Variants in RRP12 observed in about 807,000 individuals in gnomAD.
The protein encoded by RRP12 is ribosomal RNA processing 12 homolog, also known as RRP12-like protein.
Under a neutral mutation model 157.3 loss-of-function variants are expected in RRP12, and 78 were observed. The observed-to-expected ratio is 0.50, with a 90% CI of 0.41 to 0.60. The LOEUF is 0.60. RRP12 is among the 20% of genes least tolerant of loss of function. The probability of loss-of-function intolerance (pLI) is 0.00; values close to 1 mark genes in which losing one functional copy is unlikely to be tolerated. For missense variants in RRP12, 1,521 were observed against 1,679.9 expected (o/e 0.91, Z 1.65); for synonymous variants, 726 against 670.9 (o/e 1.08, Z -1.27).
At chr10:97,371,185 G>T in intron 20 of RRP12, 104 bp from the exon 21 acceptor site, 1 of 1,236,292 alleles carries the variant, frequency 8.1e-7, no homozygotes, top group Non-Finnish European at 1.1e-6. Flanking sequence ...AGGGGTCCGT[G>T]GGGGCTCATG....
At chr10:97,379,513 C>T (rs1234699724) in intron 14 of RRP12, 99 bp from the exon 15 acceptor site, 2 of 1,590,056 alleles carry the variant, frequency 1.3e-6, no homozygotes, top group African/African-American at 1.3e-5. Context: ...CCTCCTCTGG[C>T]CCCTCCTGCT....
Position 97,385,191 on chromosome 10 carries a change from C to G in RRP12, c.1183G>C (p.Glu395Gln). 6.2e-7 allele frequency: 1 copy of G among 1,614,048 alleles called. No individual in the cohort carries two copies. The highest frequency in any genetic ancestry group is 8.5e-7 in the Non-Finnish European group (1 of 1,179,912). ...CTCACCAGGTTGATGTGGGCTTTCT[C>G]CATGACCTTAAGCCAGGCTAGCAGG... ...QPLLAWLKVM[E>Q]KAHINLVRLQ... Residue 395 changes from glutamate (E) to glutamine (Q), a missense_variant, in exon 10 of 34, where the codon GAG becomes CAG. Transcript: ENST00000370992.
intron 13 of RRP12, among the ~76,000 whole-genome samples, chr10:97,380,307 G>A (rs1464020339): frequency 1.3e-5 from 2 of 152,206 alleles, no homozygotes; most frequent in Non-Finnish European, 2.9e-5. Context: ...AGGAGCTGCT[G>A]TCTCTGCTGA....
At chr10:97,370,384 C>A in intron 23 of RRP12, 71 bp downstream of exon 23, 1 of 1,393,524 alleles carries the variant, frequency 7.2e-7, no homozygotes. Flanking sequence ...CTCTCCCCAC[C>A]TTTTTTGAGG....
Position 97,388,898 on chromosome 10 carries a change from T to C in RRP12, c.754-274A>G, listed in dbSNP as rs78327263. Reference sequence around the variant, plus strand: ...ACTTAATTTCTGAGTTTCAATATCATCTTGAAAACAGGGGTTTCTTCATTC... The same window carrying C: ...ACTTAATTTCTGAGTTTCAATATCACCTTGAAAACAGGGGTTTCTTCATTC... On this transcript the variant is annotated intron_variant, in intron 6 of 33. Transcript: ENST00000370992. Among the ~76,000 whole-genome samples the C allele has an allele frequency of 3.9e-3, 593 of 152,228 alleles. 6 individuals carry two copies. In the East Asian group the frequency reaches 0.043, roughly 11 times the overall value.
At chr10:97,379,542 G>C in intron 14 of RRP12, 86 bp downstream of exon 14, 1 of 1,593,338 alleles carries the variant, frequency 6.3e-7, no homozygotes, top group Non-Finnish European at 8.6e-7. Flanking sequence ...CACTGACACA[G>C]ACTTTAGCCC....
intron 24 of RRP12, among the ~76,000 whole-genome samples, 157 bp downstream of exon 24, chr10:97,370,010 C>T (rs533555608): frequency 6.6e-6 from 1 of 152,282 alleles, no homozygotes; most frequent in East Asian, 1.9e-4. Flanking sequence ...GGCAGCGACC[C>T]GCAGGAAGGG....
At chr10:97,394,781 C>T (rs928708515) in intron 3 of RRP12, among the ~76,000 whole-genome samples, 3 of 152,212 alleles carry the variant, frequency 2.0e-5, no homozygotes, top group African/African-American at 4.8e-5. Flanking sequence ...TAAATATTTT[C>T]GGCTTTGCAT....
At chr10:97,382,040 T>C (rs1349552220) in intron 10 of RRP12, among the ~76,000 whole-genome samples, 3 of 152,226 alleles carry the variant, frequency 2.0e-5, no homozygotes, top group Non-Finnish European at 4.4e-5. Context: ...GTCTTCAAGG[T>C]GTAAAATGAA....
chr10:97,378,920 T>C (rs1844384632), intron 15 of RRP12, among the ~76,000 whole-genome samples: 1 of 152,164 alleles, frequency 6.6e-6, no homozygotes, highest in Admixed American at 6.5e-5. Flanking sequence ...TAAAAGTATA[T>C]ATACATATAA....
intron 30 of RRP12, among the ~76,000 whole-genome samples, chr10:97,361,402 G>A (rs1045650001): frequency 6.6e-5 from 10 of 152,198 alleles, no homozygotes; most frequent in African/African-American, 1.9e-4. Context: ...AACAGAGGTG[G>A]CCCCAGCTGG....
intron 32 of RRP12, 64 bp downstream of exon 32, chr10:97,358,879 T>C: frequency 7.5e-7 from 1 of 1,340,204 alleles, no homozygotes; most frequent in East Asian, 2.3e-5. Context: ...GCACAGCTCC[T>C]CCTTGCCCCT....
At chr10:97,376,560 T>C (rs932544943) in intron 15 of RRP12, among the ~76,000 whole-genome samples, 5 of 152,124 alleles carry the variant, frequency 3.3e-5, no homozygotes, top group African/African-American at 7.2e-5. Context: ...AGATCATGTG[T>C]GAAATCAGGA....
chr10:97,373,101 G>T lies in RRP12; in HGVS notation c.2126C>A (p.Pro709His). Reference protein sequence around the residue: ...QPVAAGDTPAPRRAVLETIRT... With the variant: ...QPVAAGDTPAHRRAVLETIRT... ...GATGGTTTCCAGCACAGCCCGGCGA[G>T]GGGCTGGAGTGTCCCCGGCTGCCAC... is the stretch of plus-strand genomic sequence containing the variant. The change falls in exon 18 of 34, where the codon CCT (proline) becomes CAT (histidine). Residue 709 changes from proline (P) to histidine (H), a missense_variant. By Grantham distance (77) the Pro-to-His change is moderately conservative (BLOSUM62 -2). Transcript: ENST00000370992. The T allele has an allele frequency of 6.2e-7, 1 of 1,614,156 alleles. No individual in the cohort carries two copies. Among genetic ancestry groups the T allele is most frequent in the South Asian group, 1.1e-5 (1 of 91,088 alleles).
At chr10:97,366,422 T>G (rs774907535) in intron 28 of RRP12, 24 bp downstream of exon 28, 3 of 1,582,396 alleles carry the variant, frequency 1.9e-6, no homozygotes, top group South Asian at 1.1e-5. Context: ...GTTTTCTGAG[T>G]GCACTGGCCA....
At chr10:97,387,938 T>C (rs1404456325) in intron 8 of RRP12, 2 of 116,156 alleles carry the variant, frequency 1.7e-5, no homozygotes, top group African/African-American at 1.3e-4. Flanking sequence ...CAAAACTCGG[T>C]CTCAAAAAAA....
At chr10:97,366,073 C>T in intron 29 of RRP12, 35 bp downstream of exon 29, 3 of 1,599,940 alleles carry the variant, frequency 1.9e-6, no homozygotes, top group Non-Finnish European at 1.7e-6. Flanking sequence ...AATAAGTGAA[C>T]ACGGTGAATG....
At chr10:97,379,207 G>T in intron 15 of RRP12, 86 bp downstream of exon 15, 1 of 1,475,514 alleles carries the variant, frequency 6.8e-7, no homozygotes. Flanking sequence ...GGGTGTGTGG[G>T]ACTCAGCACC....
At chr10:97,368,419 G>A (rs1378247146) in intron 25 of RRP12, among the ~76,000 whole-genome samples, 25 of 151,490 alleles carry the variant, frequency 1.7e-4, no homozygotes, top group Non-Finnish European at 5.9e-5. Flanking sequence ...GTGTAGTGGT[G>A]CAATCTTGGC....
Sources: allele counts gnomAD v4.1 joint callset (sites outside exome capture counted in the v4.1 genomes callset), GRCh38; gene constraint gnomAD v4.1.1; transcripts MANE v1.5; gene names NCBI Gene and HGNC (gene_info 2026-07-23, HGNC 2026-07-21).